Variants in VIPR1 observed in about 807,000 individuals in gnomAD.
VIPR1 encodes the protein vasoactive intestinal polypeptide receptor 1.
Under a neutral mutation model 58.8 loss-of-function variants are expected in VIPR1, and 59 were observed. The observed-to-expected ratio is 1.00, with a 90% CI of 0.81 to 1.25. The LOEUF (loss-of-function observed/expected upper bound fraction) is 1.25, where lower values mean the gene tolerates loss of function less well. Among genes scored for constraint, VIPR1 ranks in the 50% most tolerant of loss-of-function variants. The pLI, the probability that VIPR1 is intolerant of heterozygous loss-of-function variation, is 0.00. For missense variants in VIPR1, 626 were observed against 602.7 expected (o/e 1.04, Z -0.40); for synonymous variants, 251 against 242.1 (o/e 1.04, Z -0.34).
rs756348792 is a variant in VIPR1 at position 42,530,797 on chromosome 3, A to G, written c.655A>G (p.Met219Val). ...SEGSVGCKAAMVFFQYCVMAN... is the reference protein window; with the variant it reads ...SEGSVGCKAAVVFFQYCVMAN... ...CCTGCAGGTGGGCTGTAAGGCAGCC[A>G]TGGTCTTTTTCCAATATTGTGTCAT... Residue 219 changes from methionine (M) to valine (V), a missense_variant, in exon 7 of 13, where the codon ATG (methionine) becomes GTG (valine). Coordinates refer to ENST00000325123, the MANE Select transcript of VIPR1 (RefSeq NM_004624.4). 2 of 1,614,048 alleles carry G rather than the reference A, an allele frequency of 1.2e-6. No individual in the cohort carries two copies. Among genetic ancestry groups the G allele is most frequent in the South Asian group, 1.1e-5 (1 of 91,080 alleles).
chr3:42,527,745 G>C (rs1701310539), intron 5 of VIPR1: 1 of 645,036 alleles, frequency 1.6e-6, no homozygotes, highest in Admixed American at 2.9e-5. Flanking sequence ...AGTGGGGCCT[G>C]CACACAGGAA....
At chr3:42,528,330 A>T in intron 6 of VIPR1, 1 of 696,588 alleles carries the variant, frequency 1.4e-6, no homozygotes, top group Non-Finnish European at 2.3e-6. Flanking sequence ...GATGTTGCTC[A>T]CCCATCTGGG....
intron 2 of VIPR1, among the ~76,000 whole-genome samples, chr3:42,517,828 T>A (rs918554209): frequency 6.6e-6 from 1 of 151,944 alleles, no homozygotes; most frequent in African/African-American, 2.4e-5. Flanking sequence ...ATACAAAAAT[T>A]AGCCGGGTGT....
chr3:42,492,217 C>T (rs1223203059), intron 1 of VIPR1: 1 of 152,226 alleles, frequency 6.6e-6, no homozygotes, highest in Non-Finnish European at 1.5e-5. Flanking sequence ...CCTCCCCTAT[C>T]TCTCCTTCCT....
At chr3:42,532,559 C>T (rs1453675458) in intron 10 of VIPR1, 2 of 602,974 alleles carry the variant, frequency 3.3e-6, no homozygotes, top group Non-Finnish European at 3.0e-6. Context: ...CCTGCCCACA[C>T]TCACCTAGCA....
At chr3:42,520,273 C>G (rs766144889) in intron 3 of VIPR1, among the ~76,000 whole-genome samples, 30 of 152,160 alleles carry the variant, frequency 2.0e-4, no homozygotes, top group Non-Finnish European at 4.1e-4. Context: ...GCGCCGAGGC[C>G]AGACCATGCA....
chr3:42,532,000 T>A, intron 9 of VIPR1, 131 bp downstream of exon 9: 1 of 1,078,388 alleles, frequency 9.3e-7, no homozygotes, highest in Non-Finnish European at 1.4e-6. Flanking sequence ...CAATGCAGGA[T>A]CATCCCCACC....
At chr3:42,504,268 T>G (rs1700007668) in intron 1 of VIPR1, among the ~76,000 whole-genome samples, 1 of 152,110 alleles carries the variant, frequency 6.6e-6, no homozygotes, top group Non-Finnish European at 1.5e-5. Flanking sequence ...GAGAAGCTTC[T>G]GAGCCCAGGG....
chr3:42,523,088 C>T, intron 3 of VIPR1, among the ~76,000 whole-genome samples: 1 of 151,502 alleles, frequency 6.6e-6, no homozygotes, highest in South Asian at 2.1e-4. Context: ...GCCCTGACCC[C>T]GCCCCCAGTG....
At chr3:42,500,182 A>C (rs892622929), upstream of VIPR1, 2 of 152,222 alleles carry the variant, frequency 1.3e-5, no homozygotes, top group African/African-American at 4.8e-5. Flanking sequence ...AAGGCATCAG[A>C]TGCCTTCCCA....
intron 10 of VIPR1, chr3:42,533,522 C>A (rs1701687660): frequency 6.6e-6 from 1 of 152,118 alleles, no homozygotes; most frequent in Admixed American, 6.6e-5. Flanking sequence ...TTTCCCCCAA[C>A]TTACAATGGT....
intron 1 of VIPR1, chr3:42,507,257 G>A (rs1032781537): frequency 6.6e-6 from 1 of 152,258 alleles, no homozygotes; most frequent in Non-Finnish European, 1.5e-5. Context: ...TCTTCTCGCA[G>A]GAGTTTCATG....
rs184058562 is a variant in VIPR1, at chr3:42,519,892, C to T, written c.292+562C>T. ...TGTGCCAGGCACTGAGCTGGACAAA[C>T]ACAGTGGAGAGAGGATAAAACAGCC... On this transcript the variant is annotated intron_variant, in intron 3 of 12. Transcript: ENST00000325123. Among the ~76,000 whole-genome samples, 301 of 152,314 alleles carry T rather than the reference C, an allele frequency of 2.0e-3. 1 individual carries two copies. The highest frequency in any genetic ancestry group is 3.3e-3 in the Non-Finnish European group (224 of 68,028).
In VIPR1 at chr3:42,536,639, A is replaced by G. The variant is rs1701866003; in HGVS notation, c.*358A>G. ...TCTTCTGCCCAATTGGAGGAAAGCA[A>G]CCGGTGGATCCTCAAACAACACTGG... On this transcript the variant is annotated 3_prime_UTR_variant, in exon 13 of 13. Transcript: ENST00000325123. 2 of 202,556 alleles carry G rather than the reference A, an allele frequency of 9.9e-6. No homozygotes were observed. Among genetic ancestry groups the G allele is most frequent in the Non-Finnish European group, 2.0e-5 (2 of 101,996 alleles). The allele number at this position is 202,556 out of a possible 1,614,324, so 12.5% of individuals were successfully genotyped here.
At chr3:42,528,550 A>C in intron 6 of VIPR1, 1 of 188,746 alleles carries the variant, frequency 5.3e-6, no homozygotes, top group Non-Finnish European at 1.1e-5. Context: ...TCTGCTCACC[A>C]TGCCACTTTT....
chr3:42,500,657 C>T (rs1316136520), upstream of VIPR1, among the ~76,000 whole-genome samples: 1 of 152,166 alleles, frequency 6.6e-6, no homozygotes, highest in Non-Finnish European at 1.5e-5. Flanking sequence ...TTCCACTGTC[C>T]TGCCAGGGAA....
chr3:42,492,063 G>C (rs1419334201), intron 1 of VIPR1, among the ~76,000 whole-genome samples: 1 of 152,076 alleles, frequency 6.6e-6, no homozygotes, highest in Non-Finnish European at 1.5e-5. Context: ...GCGCTTGCAA[G>C]AAAAGACTTC....
At chr3:42,518,575 C>T (rs1700747753) in intron 2 of VIPR1, among the ~76,000 whole-genome samples, 2 of 152,104 alleles carry the variant, frequency 1.3e-5, no homozygotes, top group Non-Finnish European at 2.9e-5. Context: ...CCTGTCTCTA[C>T]TAAAAATACA....
intron 11 of VIPR1, 71 bp from the exon 12 acceptor site, chr3:42,535,272 A>G: frequency 6.3e-7 from 1 of 1,597,582 alleles, no homozygotes; most frequent in Non-Finnish European, 8.6e-7. Context: ...CAGGGGCTGG[A>G]GCCAGGGGTG....
Sources: allele counts gnomAD v4.1 joint callset (sites outside exome capture counted in the v4.1 genomes callset), GRCh38; gene constraint gnomAD v4.1.1; transcripts MANE v1.5; gene names NCBI Gene and HGNC (gene_info 2026-07-23, HGNC 2026-07-21).